The following CSMD1 variants were observed in gnomAD, a reference collection of about 807,000 sequenced individuals.
CSMD1 encodes CUB and sushi domain-containing protein 1.
Under a neutral mutation model 417.5 loss-of-function variants are expected in CSMD1, and 213 were observed. The ratio of observed to expected loss-of-function variants is 0.51; its 90% CI spans 0.46 to 0.57. The LOEUF is 0.57. CSMD1 is among the 20% of genes least tolerant of loss of function. The probability of loss-of-function intolerance (pLI) is 0.00; values close to 1 mark genes in which losing one functional copy is unlikely to be tolerated. For missense variants in CSMD1, 6,923 were observed against 4,529.7 expected (o/e 1.53, Z -15.17); for synonymous variants, 2,862 against 1,736.8 (o/e 1.65, Z -16.11).
At chr8:4,457,213 G>C (rs144610026) in intron 2 of CSMD1, among the ~76,000 whole-genome samples, 1 of 152,102 alleles carries the variant, frequency 6.6e-6, no homozygotes, top group African/African-American at 2.4e-5. Flanking sequence ...GTGGAGGGAA[G>C]GGGGGAACTC....
intron 18 of CSMD1, among the ~76,000 whole-genome samples, chr8:3,372,784 C>T (rs1810052987): frequency 6.6e-6 from 1 of 152,062 alleles, no homozygotes; most frequent in Admixed American, 6.6e-5. Context: ...GGTCTGGAGG[C>T]CATGGAAGAG....
intron 10 of CSMD1, among the ~76,000 whole-genome samples, chr8:3,559,736 A>T (rs1004576972): frequency 6.6e-6 from 1 of 152,190 alleles, no homozygotes; most frequent in Non-Finnish European, 1.5e-5. Context: ...ACATATATCT[A>T]CATTTTTGAA....
In CSMD1 at chr8:2,935,631, A is replaced by T. The variant is rs1048489291; in HGVS notation, c.*2954T>A. On this transcript the variant is annotated 3_prime_UTR_variant, in exon 70 of 70. Transcript: ENST00000635120. ...CCTACATTAATCAAAAAATTACAGC[A>T]TATTTAATAATTTTACAAATTCTTC... 6.6e-6 allele frequency: 1 copy of T among 152,312 alleles called. No homozygotes were observed. The highest frequency in any genetic ancestry group is 2.4e-5 in the African/African-American group (1 of 41,570). The allele number at this position is 152,312 out of a possible 1,614,324, so 9.4% of individuals were successfully genotyped here.
At position 4,717,563 on chromosome 8, in the gene CSMD1, T is replaced by TATCTATCA. The variant is rs765602082; in HGVS notation, c.86-80006_86-80005insTGATAGAT. On this transcript the variant is annotated intron_variant, in intron 1 of 69. Coordinates refer to ENST00000635120, the MANE Select transcript of CSMD1 (RefSeq NM_033225.6). Reference sequence around the variant, plus strand: ...CTGTCTGTCTACCTATCTATCTATCTATCCATCCATCCATCCATCCATACA... The same window carrying TATCTATCA: ...CTGTCTGTCTACCTATCTATCTATCTATCTATCAATCCATCCATCCATCCATCCATACA... 3.0e-3 allele frequency among the ~76,000 whole-genome samples: 408 copies of TATCTATCA among 137,264 alleles called. 2 individuals are homozygous for TATCTATCA. The highest frequency in any genetic ancestry group is 0.011 in the African/African-American group (393 of 36,258). The allele number at this position is 137,264 out of a possible 152,430, so 90.1% of individuals were successfully genotyped here.
At chr8:3,417,456 G>A (rs760222986) in intron 12 of CSMD1, among the ~76,000 whole-genome samples, 4 of 152,150 alleles carry the variant, frequency 2.6e-5, no homozygotes, top group Non-Finnish European at 4.4e-5. Flanking sequence ...AAGCAATGTT[G>A]TCTAGCTTGT....
At position 4,216,578 on chromosome 8, in the gene CSMD1, G is replaced by T. The variant is rs138565789; in HGVS notation, c.416-184479C>A. ...CCTGAGTCTGCTGCCACTGCCAACG[G>T]AGCCCTCCAGATGGAAGGTGCTGAG... On this transcript the variant is annotated intron_variant, in intron 3 of 69. Coordinates refer to ENST00000635120, the MANE Select transcript of CSMD1 (RefSeq NM_033225.6). Among the ~76,000 whole-genome samples the T allele has an allele frequency of 5.0e-3, 765 of 152,260 alleles. 7 individuals are homozygous for T. The highest frequency in any genetic ancestry group is 0.017 in the African/African-American group (727 of 41,554).
chr8:4,679,135 C>A (rs1036060001), intron 1 of CSMD1, among the ~76,000 whole-genome samples: 1 of 152,070 alleles, frequency 6.6e-6, no homozygotes, highest in Non-Finnish European at 1.5e-5. Context: ...ATGTACTTTC[C>A]CTTCTTGATA....
At chr8:3,976,363 T>C in intron 5 of CSMD1, among the ~76,000 whole-genome samples, 1 of 152,232 alleles carries the variant, frequency 6.6e-6, no homozygotes, top group East Asian at 1.9e-4. Context: ...TATCATGACG[T>C]TGATGAAGAT....
chr8:3,080,311 A>C (rs1277160873), intron 49 of CSMD1, among the ~76,000 whole-genome samples: 1 of 152,192 alleles, frequency 6.6e-6, no homozygotes, highest in Non-Finnish European at 1.5e-5. Flanking sequence ...CTGATAATGG[A>C]AACAGCTGCT....
At chr8:4,561,355 A>G (rs773289519) in intron 2 of CSMD1, among the ~76,000 whole-genome samples, 65 of 152,224 alleles carry the variant, frequency 4.3e-4, no homozygotes, top group South Asian at 1.2e-3. Flanking sequence ...GCCCGGTGAC[A>G]GAATGAGACT....
At chr8:3,967,051 G>C (rs1812723095) in intron 5 of CSMD1, among the ~76,000 whole-genome samples, 1 of 152,154 alleles carries the variant, frequency 6.6e-6, no homozygotes, top group South Asian at 2.1e-4. Context: ...AGGTAATCCA[G>C]ATATTGAAAT....
At chr8:3,532,924 A>G (rs2117517966) in intron 10 of CSMD1, among the ~76,000 whole-genome samples, 1 of 152,332 alleles carries the variant, frequency 6.6e-6, no homozygotes, top group African/African-American at 2.4e-5. Flanking sequence ...AAACCATGAC[A>G]TAGCACATAT....
chr8:3,467,315 T>A (rs1461222972), intron 12 of CSMD1, among the ~76,000 whole-genome samples: 7 of 152,204 alleles, frequency 4.6e-5, no homozygotes, highest in African/African-American at 1.7e-4. Context: ...TTTGCCCTGT[T>A]GGGAAGTGTC....
intron 7 of CSMD1, among the ~76,000 whole-genome samples, chr8:3,650,618 A>T (rs1797806479): frequency 6.6e-6 from 1 of 152,162 alleles, no homozygotes; most frequent in South Asian, 2.1e-4. Context: ...GAATGTACTG[A>T]GCTCCCGGCT....
intron 3 of CSMD1, among the ~76,000 whole-genome samples, chr8:4,301,531 C>G (rs1230972018): frequency 6.6e-6 from 1 of 152,176 alleles, no homozygotes; most frequent in East Asian, 1.9e-4. Context: ...TGAAGCTGAT[C>G]TGGGTGCAAT....
At chr8:3,668,746 G>C (rs998113437) in intron 7 of CSMD1, among the ~76,000 whole-genome samples, 1 of 152,106 alleles carries the variant, frequency 6.6e-6, no homozygotes, top group Non-Finnish European at 1.5e-5. Context: ...CCAACGCTAG[G>C]GAAGACCCAT....
At chr8:4,101,967 T>C (rs1801326973) in intron 3 of CSMD1, among the ~76,000 whole-genome samples, 1 of 152,176 alleles carries the variant, frequency 6.6e-6, no homozygotes, top group East Asian at 1.9e-4. Flanking sequence ...GGAGGACTCT[T>C]GAATCCCATG....
At chr8:3,467,240 C>A (rs2117180641) in intron 12 of CSMD1, among the ~76,000 whole-genome samples, 1 of 152,318 alleles carries the variant, frequency 6.6e-6, no homozygotes, top group South Asian at 2.1e-4. Flanking sequence ...AGGTTCCTCT[C>A]CTATTCCTGG....
At chr8:4,133,152 G>T (rs551096362) in intron 3 of CSMD1, among the ~76,000 whole-genome samples, 1 of 152,212 alleles carries the variant, frequency 6.6e-6, no homozygotes, top group Admixed American at 6.5e-5. Flanking sequence ...TGGCCAGGCT[G>T]GTCTCAAACT....
Sources: allele counts gnomAD v4.1 joint callset (sites outside exome capture counted in the v4.1 genomes callset), GRCh38; gene constraint gnomAD v4.1.1; transcripts MANE v1.5; gene names NCBI Gene and HGNC (gene_info 2026-07-23, HGNC 2026-07-21).